OR4X1: variants seen among roughly 807,000 people sequenced by gnomAD.
OR4X1 encodes the protein olfactory receptor family 4 subfamily X member 1.
For synonymous variants in OR4X1, 183 were observed against 142.6 expected (o/e 1.28, Z -2.02); for missense variants, 509 against 368.1 (o/e 1.38, Z -3.13).
Position 48,264,224 on chromosome 11 carries a change from G to A in OR4X1, c.364G>A (p.Val122Met). Residue 122 changes from valine to methionine, a missense_variant, in exon 1 of 1, where the codon GTG becomes ATG. By Grantham distance (21) the Val-to-Met change is conservative. Transcript: ENST00000320048. The part of the protein sequence containing the change: ...LLMVMAYDRY[V>M]AICKPLHYMA... ...GATGGTGATGGCCTATGACCGCTAT[G>A]TGGCCATCTGCAAGCCCTTGCACTA... The A allele has an allele frequency of 6.2e-7, 1 of 1,614,094 alleles. No individual in the cohort carries two copies. Among genetic ancestry groups the A allele is most frequent in the Non-Finnish European group, 8.5e-7 (1 of 1,180,008 alleles).
Position 48,264,486 on chromosome 11 carries a change from T to C in OR4X1, c.626T>C (p.Phe209Ser), listed in dbSNP as rs1415249186. 4.3e-6 allele frequency: 7 copies of C among 1,614,144 alleles called. No individual in the cohort carries two copies. The highest frequency in any genetic ancestry group is 5.9e-6 in the Non-Finnish European group (7 of 1,180,022). The change falls in exon 1 of 1, where the codon TTC (phenylalanine) becomes TCC (serine). Residue 209 changes from phenylalanine to serine, a missense_variant. Transcript: ENST00000320048. ...GGCGGCTCCATCTCCGTAGTCAGTT[T>C]CTTCGTGCTGATGGCTTCCTACCTG... ...TNGGSISVVS[F>S]FVLMASYLII...
rs1409771464 is a variant in OR4X1 at position 48,263,875 on chromosome 11, C to A, written c.15C>A (p.Asn5Lys). ...TGCTTTAAAATATGGTTGCTACAAA[C>A]AATGTGACTGAAATAATTTTCGTGG... MVAT[N>K]NVTEIIFVGF... Residue 5 changes from asparagine (N) to lysine (K), a missense_variant, in exon 1 of 1, where the codon AAC becomes AAA. Asn to Lys is a moderately conservative substitution (Grantham distance 94). Coordinates refer to ENST00000320048, the MANE Select transcript of OR4X1 (RefSeq NM_001004726.1). 3.7e-6 allele frequency: 6 copies of A among 1,612,860 alleles called. No homozygotes were observed. The highest frequency in any genetic ancestry group is 3.3e-5 in the Admixed American group (2 of 60,002).
Position 48,264,548 on chromosome 11 carries a change from G to A in OR4X1, c.688G>A (p.Gly230Arg), listed in dbSNP as rs1565364275. The change falls in exon 1 of 1, where the codon GGG becomes AGG. Residue 230 changes from glycine (G) to arginine (R), a missense_variant. By Grantham distance (125) the Gly-to-Arg change is moderately radical. Transcript: ENST00000320048. ...LHFLRSHNLE[G>R]QHKALSTCAS... ...CTTCCTGAGAAGCCACAACTTGGAG[G>A]GGCAGCACAAGGCCCTCTCCACCTG... 2 of 1,614,004 alleles carry A rather than the reference G, an allele frequency of 1.2e-6. No individual in the cohort carries two copies. The highest frequency in any genetic ancestry group is 1.1e-5 in the South Asian group (1 of 91,068).
Position 48,264,454 on chromosome 11 carries a change from C to A in OR4X1, c.594C>A (p.Ile198=), listed in dbSNP as rs531659881. ...CCTTCTTCATTAGCCTGCTGATCATCACCAATGGCGGCTCCATCTCCGTAG... is the reference window on the plus strand; with the variant it reads ...CCTTCTTCATTAGCCTGCTGATCATAACCAATGGCGGCTCCATCTCCGTAG... ...ADTFFISLLI[I]TNGGSISVVS... The change falls in exon 1 of 1, where the codon ATC becomes ATA. Residue 198 remains isoleucine (I), a synonymous_variant. Coordinates refer to ENST00000320048, the MANE Select transcript of OR4X1 (RefSeq NM_001004726.1). 1 of 1,614,092 alleles carries A rather than the reference C, an allele frequency of 6.2e-7. No individual in the cohort carries two copies. The highest frequency in any genetic ancestry group is 1.3e-5 in the African/African-American group (1 of 75,058).
At position 48,264,765 on chromosome 11, in the gene OR4X1, GA is replaced by G. The variant is rs780010836; in HGVS notation, c.909del (p.Val304Ter). On this transcript the variant is annotated frameshift_variant, in exon 1 of 1. Transcript: ENST00000320048. LOFTEE classifies it high-confidence loss of function. The stretch of plus-strand genomic sequence containing the variant: ...AATGCCATGAGGAGATTTATTGGGG[GA>G]AAAGTAATTTGAGAAGAGAAGTAGA... ...VKNAMRRFIG[G>X]KVI 4 of 1,604,312 alleles carry G rather than the reference GA, an allele frequency of 2.5e-6. No homozygotes were observed. Among genetic ancestry groups the G allele is most frequent in the Non-Finnish European group, 3.4e-6 (4 of 1,172,784 alleles).
In OR4X1 at chr11:48,264,232, C is replaced by G. The variant is rs377757336; in HGVS notation, c.372C>G (p.Ile124Met). 382 of 1,614,020 alleles carry G rather than the reference C, an allele frequency of 2.4e-4. No homozygotes were observed. The highest frequency in any genetic ancestry group is 3.0e-4 in the Non-Finnish European group (350 of 1,180,022). ...MVMAYDRYVA[I>M]CKPLHYMAIM... is the part of the protein sequence containing the mutation. The stretch of plus-strand genomic sequence containing the variant: ...TGGCCTATGACCGCTATGTGGCCAT[C>G]TGCAAGCCCTTGCACTACATGGCCA... The change falls in exon 1 of 1, where the codon ATC becomes ATG. Residue 124 changes from isoleucine to methionine, a missense_variant. Ile to Met is a conservative substitution (Grantham distance 10, BLOSUM62 1). Transcript: ENST00000320048.
At position 48,264,491 on chromosome 11, in the gene OR4X1, G is replaced by A. The variant is rs61915300; in HGVS notation, c.631G>A (p.Val211Met). 6.8e-5 allele frequency: 109 copies of A among 1,613,874 alleles called. No individual in the cohort carries two copies. The highest frequency in any genetic ancestry group is 1.8e-4 in the East Asian group (8 of 44,864). The change falls in exon 1 of 1, where the codon GTG (valine) becomes ATG (methionine). Residue 211 changes from valine to methionine, a missense_variant. Coordinates refer to ENST00000320048, the MANE Select transcript of OR4X1 (RefSeq NM_001004726.1). Reference protein sequence around the residue: ...GGSISVVSFFVLMASYLIILH... With the variant: ...GGSISVVSFFMLMASYLIILH... ...CTCCATCTCCGTAGTCAGTTTCTTC[G>A]TGCTGATGGCTTCCTACCTGATCAT... is the stretch of plus-strand genomic sequence containing the variant.
rs1419595756 is a variant in OR4X1, at chr11:48,263,944, G to A, written c.84G>A (p.Met28Ile). The change falls in exon 1 of 1, where the codon ATG becomes ATA. Residue 28 changes from methionine (M) to isoleucine (I), a missense_variant. By Grantham distance (10) the Met-to-Ile change is conservative. Coordinates refer to ENST00000320048, the MANE Select transcript of OR4X1 (RefSeq NM_001004726.1). ...GTGAGCAGAGGGTCATTTCTGTGAT[G>A]TTTCTCCTCATGTACACAGCTGTTG... The part of the protein sequence containing the change: ...NWSEQRVISV[M>I]FLLMYTAVVL... The A allele has an allele frequency of 1.2e-6, 2 of 1,613,904 alleles. No homozygotes were observed. The highest frequency in any genetic ancestry group is 3.3e-5 in the Admixed American group (2 of 60,006).
chr11:48,264,076 T>C lies in OR4X1; in HGVS notation c.216T>C (p.Cys72=), dbSNP rs1859325729. The C allele has an allele frequency of 2.5e-6, 4 of 1,613,706 alleles. No individual in the cohort carries two copies. The highest frequency in any genetic ancestry group is 1.6e-4 in the Middle Eastern group (1 of 6,082). The change falls in exon 1 of 1, where the codon TGT becomes TGC. Residue 72 remains cysteine (C), a synonymous_variant. Transcript: ENST00000320048. ...SYLSFVEICY[C]SVMAPKLIFD... ...TATCCTTTGTGGAGATCTGCTACTG[T>C]TCTGTCATGGCCCCCAAGCTTATCT... is the stretch of plus-strand genomic sequence containing the variant.
Position 48,264,022 on chromosome 11 carries a change from C to T in OR4X1, c.162C>T (p.Thr54=). 1 of 1,614,064 alleles carries T rather than the reference C, an allele frequency of 6.2e-7. No homozygotes were observed. The highest frequency in any genetic ancestry group is 8.5e-7 in the Non-Finnish European group (1 of 1,179,948). Residue 54 remains threonine (T), a synonymous_variant, in exon 1 of 1, where the codon ACC becomes ACT. Transcript: ENST00000320048. ...VVTILASKVL[T]SPMYFFLSYL... ...CCATCCTGGCCAGCAAAGTGCTCAC[C>T]TCCCCCATGTATTTCTTTCTCAGCT...
rs1401883657 is a variant in OR4X1 at position 48,264,305 on chromosome 11, G to C, written c.445G>C (p.Gly149Arg). Residue 149 changes from glycine (G) to arginine (R), a missense_variant, in exon 1 of 1, where the codon GGG becomes CGG. Transcript: ENST00000320048. ...TCTCCTCGTGAGGATAGCATGGGGC[G>C]GGGGCCTGCTGCATTCTGTTGGGCA... Reference protein sequence around the residue: ...CGLLVRIAWGGGLLHSVGQTF... With the variant: ...CGLLVRIAWGRGLLHSVGQTF... 1 of 1,613,682 alleles carries C rather than the reference G, an allele frequency of 6.2e-7. No individual in the cohort carries two copies. Among genetic ancestry groups the C allele is most frequent in the Non-Finnish European group, 8.5e-7 (1 of 1,179,738 alleles).
rs770797875 is a variant in OR4X1, at chr11:48,264,296, G to A, written c.436G>A (p.Ala146Thr). The part of the protein sequence containing the change: ...QRMCGLLVRI[A>T]WGGGLLHSVG... ...AATGTGTGGTCTCCTCGTGAGGATA[G>A]CATGGGGCGGGGGCCTGCTGCATTC... The change falls in exon 1 of 1, where the codon GCA becomes ACA. Residue 146 changes from alanine (A) to threonine (T), a missense_variant. Physicochemically the swap from Ala to Thr is moderately conservative, Grantham distance 58. Coordinates refer to ENST00000320048, the MANE Select transcript of OR4X1 (RefSeq NM_001004726.1). 1.9e-6 allele frequency: 3 copies of A among 1,613,952 alleles called. No homozygotes were observed. Among genetic ancestry groups the A allele is most frequent in the East Asian group, 2.2e-5 (1 of 44,854 alleles).
In OR4X1 at chr11:48,264,587, A is replaced by T. The variant is rs1859341157; in HGVS notation, c.727A>T (p.Thr243Ser). Reference sequence around the variant, plus strand: ...CCTCTCCACCTGTGCCTCTCATGTCACAGTTGTCGACCTGTTCTTCATACC... The same window carrying T: ...CCTCTCCACCTGTGCCTCTCATGTCTCAGTTGTCGACCTGTTCTTCATACC... ...KALSTCASHV[T>S]VVDLFFIPCS... Residue 243 changes from threonine (T) to serine (S), a missense_variant, in exon 1 of 1, where the codon ACA becomes TCA. Physicochemically the swap from Thr to Ser is moderately conservative, Grantham distance 58 (BLOSUM62 1). Transcript: ENST00000320048. The T allele has an allele frequency of 6.2e-7, 1 of 1,614,014 alleles. No individual in the cohort carries two copies. Among genetic ancestry groups the T allele is most frequent in the East Asian group, 2.2e-5 (1 of 44,866 alleles).
In OR4X1 at chr11:48,263,950, C is replaced by T. The variant is rs780336371; in HGVS notation, c.90C>T (p.Leu30=). Residue 30 remains leucine (L), a synonymous_variant, in exon 1 of 1, where the codon CTC becomes CTT. Transcript: ENST00000320048. Reference sequence around the variant, plus strand: ...AGAGGGTCATTTCTGTGATGTTTCTCCTCATGTACACAGCTGTTGTGCTGG... The same window carrying T: ...AGAGGGTCATTTCTGTGATGTTTCTTCTCATGTACACAGCTGTTGTGCTGG... ...SEQRVISVMF[L]LMYTAVVLGN... is the part of the protein sequence containing the mutation. 3 of 1,613,758 alleles carry T rather than the reference C, an allele frequency of 1.9e-6. No homozygotes were observed. In the African/African-American group the frequency reaches 4.0e-5, roughly 22 times the overall value.
Position 48,264,162 on chromosome 11 carries a change from C to T in OR4X1, c.302C>T (p.Ser101Phe), listed in dbSNP as rs768235200. Residue 101 changes from serine to phenylalanine, a missense_variant, in exon 1 of 1, where the codon TCC becomes TTC. Ser to Phe is a radical substitution (Grantham distance 155). Coordinates refer to ENST00000320048, the MANE Select transcript of OR4X1 (RefSeq NM_001004726.1). The part of the protein sequence containing the change: ...SLKGCLTQMF[S>F]LHFFGGTEAF... ...AAGGGCTGCCTCACACAGATGTTTT[C>T]CCTCCATTTCTTTGGTGGCACTGAG... 1.2e-5 allele frequency: 19 copies of T among 1,614,098 alleles called. No homozygotes were observed. The South Asian group carries it at 1.4e-4, about 12-fold the overall frequency.
Position 48,264,153 on chromosome 11 carries a change from A to C in OR4X1, c.293A>C (p.Gln98Pro), listed in dbSNP as rs771742290. Residue 98 changes from glutamine (Q) to proline (P), a missense_variant, in exon 1 of 1, where the codon CAG becomes CCG. Coordinates refer to ENST00000320048, the MANE Select transcript of OR4X1 (RefSeq NM_001004726.1). Reference sequence around the variant, plus strand: ...ATTTCTCTCAAGGGCTGCCTCACACAGATGTTTTCCCTCCATTTCTTTGGT... The same window carrying C: ...ATTTCTCTCAAGGGCTGCCTCACACCGATGTTTTCCCTCCATTTCTTTGGT... ...KVISLKGCLT[Q>P]MFSLHFFGGT... 6.2e-7 allele frequency: 1 copy of C among 1,614,092 alleles called. No homozygotes were observed. The highest frequency in any genetic ancestry group is 1.1e-5 in the South Asian group (1 of 91,072).
Position 48,264,654 on chromosome 11 carries a change from C to T in OR4X1, c.794C>T (p.Ala265Val). ...VYIRPCVTLP[A>V]DKIVAVFYTV... ...ATTAGGCCCTGTGTCACCCTCCCTG[C>T]AGACAAGATAGTTGCTGTATTTTAT... Residue 265 changes from alanine to valine, a missense_variant, in exon 1 of 1, where the codon GCA becomes GTA. Physicochemically the swap from Ala to Val is moderately conservative, Grantham distance 64. Coordinates refer to ENST00000320048, the MANE Select transcript of OR4X1 (RefSeq NM_001004726.1). 1 of 1,613,938 alleles carries T rather than the reference C, an allele frequency of 6.2e-7. No individual in the cohort carries two copies. The highest frequency in any genetic ancestry group is 1.3e-5 in the African/African-American group (1 of 75,036).
Position 48,264,293 on chromosome 11 carries a change from A to G in OR4X1, c.433A>G (p.Ile145Val), listed in dbSNP as rs1232185981. 2 of 1,613,956 alleles carry G rather than the reference A, an allele frequency of 1.2e-6. No homozygotes were observed. The highest frequency in any genetic ancestry group is 1.1e-5 in the South Asian group (1 of 91,068). The change falls in exon 1 of 1, where the codon ATA becomes GTA. Residue 145 changes from isoleucine to valine, a missense_variant. Transcript: ENST00000320048. ...NQRMCGLLVRIAWGGGLLHSV... is the reference protein window; with the variant it reads ...NQRMCGLLVRVAWGGGLLHSV... The stretch of plus-strand genomic sequence containing the variant: ...GCGAATGTGTGGTCTCCTCGTGAGG[A>G]TAGCATGGGGCGGGGGCCTGCTGCA...
rs149401249 is a variant in OR4X1 at position 48,264,367 on chromosome 11, C to G, written c.507C>G (p.Pro169=). Residue 169 remains proline (P), a synonymous_variant, in exon 1 of 1, where the codon CCC becomes CCG. Transcript: ENST00000320048. The stretch of plus-strand genomic sequence containing the variant: ...TTTTCCAGCTCCCGTTCTGTGGCCC[C>G]AACATCATGGACCACTACTTCTGTG... The part of the protein sequence containing the change: ...FLIFQLPFCG[P]NIMDHYFCDV... 2.4e-4 allele frequency: 390 copies of G among 1,613,922 alleles called. No homozygotes were observed. The highest frequency in any genetic ancestry group is 3.1e-4 in the Non-Finnish European group (367 of 1,180,008).
Sources: allele counts gnomAD v4.1 joint callset, GRCh38; gene constraint gnomAD v4.1.1; transcripts MANE v1.5; gene names NCBI Gene and HGNC (gene_info 2026-07-23, HGNC 2026-07-21).